COL12A1: variants seen among roughly 807,000 people sequenced by gnomAD.
The protein encoded by COL12A1 is collagen type XII alpha 1 chain.
Under a neutral mutation model 349.7 loss-of-function variants are expected in COL12A1, and 114 were observed. The observed-to-expected ratio is 0.33, with a 90% CI of 0.28 to 0.38. The LOEUF (loss-of-function observed/expected upper bound fraction) is 0.38, where lower values mean the gene tolerates loss of function less well. COL12A1 is among the 10% of genes least tolerant of loss of function. The pLI, the probability that COL12A1 is intolerant of heterozygous loss-of-function variation, is 1.00. For missense variants in COL12A1, 3,284 were observed against 3,756.9 expected, an observed-to-expected ratio of 0.87 and a Z score of 3.29; for synonymous variants, 1,369 against 1,329.0, an observed-to-expected ratio of 1.03 and a Z score of -0.66.
intron 52 of COL12A1, among the ~76,000 whole-genome samples, chr6:75,106,899 CT>C (rs1160421791): frequency 2.4e-3 from 101 of 41,956 alleles, no homozygotes; most frequent in African/African-American, 6.6e-3. Context: ...TTTTCTTTTT[CT>C]TTTTTTTTTT....
chr6:75,182,996 A>C, intron 10 of COL12A1, 54 bp downstream of exon 10: 3 of 1,525,580 alleles, frequency 2.0e-6, no homozygotes, highest in Non-Finnish European at 2.6e-6. Flanking sequence ...CAATTTTAGA[A>C]CCAAAAATTC....
intron 55 of COL12A1, among the ~76,000 whole-genome samples, chr6:75,103,092 A>G (rs1169688430): frequency 5.9e-5 from 9 of 152,212 alleles, no homozygotes; most frequent in Non-Finnish European, 1.2e-4. Context: ...ATATAAATCA[A>G]GCAAGGAAAG....
chr6:75,146,083 A>G lies in COL12A1; in HGVS notation c.4560+19T>C. ...AAGTCTTGGGAAGACCCAATGTTAA[A>G]GAAACAAACATCTTTCACCTCTTTG... On this transcript the variant is annotated intron_variant, in intron 24 of 65. Coordinates refer to ENST00000322507, the MANE Select transcript of COL12A1 (RefSeq NM_004370.6). 6.4e-7 allele frequency: 1 copy of G among 1,573,498 alleles called. No individual in the cohort carries two copies. The highest frequency in any genetic ancestry group is 2.2e-5 in the East Asian group (1 of 44,468).
In COL12A1 at chr6:75,138,785, A is replaced by G. The variant is rs1159614357; in HGVS notation, c.5097+37T>C. On this transcript the variant is annotated intron_variant, in intron 28 of 65. Transcript: ENST00000322507. ...AGCTTCCCTACAAATTAAATGGGAC[A>G]TGAAAGACAGAGAGAAAGATAAAGA... 9 of 1,611,696 alleles carry G rather than the reference A, an allele frequency of 5.6e-6. No homozygotes were observed. In the African/African-American group the frequency reaches 8.0e-5, roughly 14 times the overall value.
intron 1 of COL12A1, among the ~76,000 whole-genome samples, chr6:75,203,697 G>A (rs1170598152): frequency 6.6e-6 from 1 of 152,092 alleles, no homozygotes; most frequent in African/African-American, 2.4e-5. Flanking sequence ...CATCTTTGTG[G>A]TTTCCCAGCA....
chr6:75,151,568 A>C (rs567978441), intron 20 of COL12A1, among the ~76,000 whole-genome samples: 12 of 152,300 alleles, frequency 7.9e-5, no homozygotes, highest in Non-Finnish European at 1.5e-4. Context: ...GGAATGTAAA[A>C]TAATGGATAT....
Position 75,143,365 on chromosome 6 carries a change from G to C in COL12A1, c.4714C>G (p.Leu1572Val). 6.2e-7 allele frequency: 1 copy of C among 1,613,696 alleles called. No homozygotes were observed. Among genetic ancestry groups the C allele is most frequent in the Non-Finnish European group, 8.5e-7 (1 of 1,179,894 alleles). ...VTLPLPRPQD[L>V]KLRDVTHSTM... ...CTGTGAGTCACATCTCTGAGTTTCA[G>C]ATCCTGAGGTCTGGGTAAAGGCACT... Residue 1572 changes from leucine (L) to valine (V), a missense_variant, in exon 26 of 66, where the codon CTG becomes GTG. Physicochemically the swap from Leu to Val is conservative, Grantham distance 32. Coordinates refer to ENST00000322507, the MANE Select transcript of COL12A1 (RefSeq NM_004370.6).
chr6:75,202,604 C>G, intron 2 of COL12A1, 116 bp downstream of exon 2: 1 of 1,024,842 alleles, frequency 9.8e-7, no homozygotes, highest in Non-Finnish European at 1.4e-6. Flanking sequence ...GAGAAACCAC[C>G]GGAGAAAGCA....
rs777801834 is a variant in COL12A1, at chr6:75,152,395, A to G, written c.3653T>C (p.Val1218Ala). 1 of 1,613,706 alleles carries G rather than the reference A, an allele frequency of 6.2e-7. No homozygotes were observed. Among genetic ancestry groups the G allele is most frequent in the South Asian group, 1.1e-5 (1 of 91,086 alleles). ...WSIGRANFRT[V>A]RSFISRIVEV... ...CACAATACGAGAAATGAAACTCCTC[A>G]CGGTTCTAAAATTTGCCCGGCCGAT... Residue 1218 changes from valine (V) to alanine (A), a missense_variant, in exon 18 of 66, where the codon GTG (valine) becomes GCG (alanine). By Grantham distance (64) the Val-to-Ala change is moderately conservative. Transcript: ENST00000322507.
rs543286499 is a variant in COL12A1, at chr6:75,138,239, T to C, written c.5251+81A>G. On this transcript the variant is annotated intron_variant, in intron 30 of 65. Coordinates refer to ENST00000322507, the MANE Select transcript of COL12A1 (RefSeq NM_004370.6). ...GATTTAAAAGCAGATGACCTATTTA[T>C]TATGTATCTTATGGTACTTTTCATT... The C allele has an allele frequency of 7.4e-6, 10 of 1,348,418 alleles. No homozygotes were observed. The Admixed American group carries it at 2.0e-4, about 27-fold the overall frequency. The allele number at this position is 1,348,418 out of a possible 1,614,324, so 83.5% of individuals were successfully genotyped here. A position where few individuals can be genotyped will look rare whatever the true frequency, so the allele number is the denominator to read the frequency against.
chr6:75,197,555 G>A (rs1271560755), intron 2 of COL12A1, among the ~76,000 whole-genome samples: 1 of 151,916 alleles, frequency 6.6e-6, no homozygotes, highest in Admixed American at 6.6e-5. Context: ...CAGGTGATCC[G>A]CCCTCCTCAG....
At chr6:75,148,535 A>G in intron 21 of COL12A1, 38 bp from the exon 22 acceptor site, 2 of 1,566,392 alleles carry the variant, frequency 1.3e-6, no homozygotes, top group Non-Finnish European at 1.7e-6. Flanking sequence ...TTTTCTCATT[A>G]TTGTAGAAAG....
intron 60 of COL12A1, among the ~76,000 whole-genome samples, chr6:75,092,723 G>T (rs1767834312): frequency 6.6e-6 from 1 of 151,134 alleles, no homozygotes; most frequent in Non-Finnish European, 1.5e-5. Flanking sequence ...AAACCAGAAT[G>T]ATATTTTTTA....
intron 13 of COL12A1, among the ~76,000 whole-genome samples, chr6:75,172,847 G>C (rs557386091): frequency 6.6e-6 from 1 of 152,144 alleles, no homozygotes; most frequent in African/African-American, 2.4e-5. Context: ...AAACGCAGAC[G>C]AAAAATACAG....
chr6:75,121,264 C>T, intron 44 of COL12A1, 38 bp downstream of exon 44: 1 of 1,512,684 alleles, frequency 6.6e-7, no homozygotes, highest in Non-Finnish European at 8.9e-7. Flanking sequence ...AAAGGCAAGA[C>T]ATCACAAATG....
intron 13 of COL12A1, among the ~76,000 whole-genome samples, chr6:75,171,581 C>T (rs1768636091): frequency 6.6e-6 from 1 of 152,232 alleles, no homozygotes; most frequent in Admixed American, 6.5e-5. Context: ...TGCCGGCTGA[C>T]ACCATGCCTC....
Position 75,087,761 on chromosome 6 carries a change from A to G in COL12A1, c.9011-14T>C, listed in dbSNP as rs2149323089. ...CTCCTTGTGGACCTAGTGTGGAGTT[A>G]AAACAAATATATTTCCCCTCTTGTC... is the stretch of plus-strand genomic sequence containing the variant. On this transcript the variant is annotated splice_polypyrimidine_tract_variant and intron_variant, in intron 64 of 65. Transcript: ENST00000322507. 2 of 1,603,130 alleles carry G rather than the reference A, an allele frequency of 1.2e-6. No homozygotes were observed.
chr6:75,174,386 C>T (rs899252109), intron 13 of COL12A1, among the ~76,000 whole-genome samples: 1 of 151,962 alleles, frequency 6.6e-6, no homozygotes, highest in African/African-American at 2.4e-5. Context: ...GAAACCCCGT[C>T]CCTACTAAAA....
rs201939409 is a variant in COL12A1 at position 75,116,092 on chromosome 6, C to T, written c.7520-35G>A. The T allele has an allele frequency of 2.6e-4, 414 of 1,601,596 alleles. No individual in the cohort carries two copies. In the African/African-American group the frequency reaches 3.8e-3, roughly 15 times the overall value. Reference sequence around the variant, plus strand: ...ACAGTGTTCTTTAAGTATGATTCACCAACACGATGTACAAATTATATATGC... The same window carrying T: ...ACAGTGTTCTTTAAGTATGATTCACTAACACGATGTACAAATTATATATGC... On this transcript the variant is annotated intron_variant, in intron 47 of 65. Transcript: ENST00000322507.
Sources: gnomAD v4.1 joint callset for allele counts (sites outside exome capture counted in the v4.1 genomes callset) on GRCh38, gnomAD v4.1.1 for gene constraint, MANE v1.5 for transcripts, NCBI Gene and HGNC (gene_info 2026-07-23, HGNC 2026-07-21) for gene names.